Variants in BMPR1B observed in about 807,000 individuals in gnomAD.
The protein encoded by BMPR1B is bone morphogenetic protein receptor type-1B.
BMPR1B carries 12 observed loss-of-function variants against 59.1 expected under a neutral mutation model. The ratio of observed to expected loss-of-function variants is 0.20; its 90% CI spans 0.13 to 0.33. BMPR1B has a LOEUF of 0.33. Ranked by LOEUF, BMPR1B falls within the 10% of genes least tolerant of loss-of-function variation. The pLI is 1.00. For missense variants in BMPR1B, 550 were observed against 610.9 expected, an observed-to-expected ratio of 0.90 and a Z score of 1.05; for synonymous variants, 237 against 207.3, an observed-to-expected ratio of 1.14 and a Z score of -1.23.
At chr4:94,789,538 T>G (rs952684379) in intron 1 of BMPR1B, among the ~76,000 whole-genome samples, 9 of 103,364 alleles carry the variant, frequency 8.7e-5, no homozygotes, top group African/African-American at 2.9e-4. Flanking sequence ...CCATTTGAAC[T>G]TGAATAAAAA....
chr4:95,058,588 C>G (rs957207111), intron 3 of BMPR1B, among the ~76,000 whole-genome samples: 32 of 152,168 alleles, frequency 2.1e-4, no homozygotes, highest in African/African-American at 7.5e-4. Flanking sequence ...CTGGCCATCT[C>G]TGTCTACCTT....
chr4:95,016,348 A>G (rs1252854548), intron 3 of BMPR1B, among the ~76,000 whole-genome samples: 5 of 152,186 alleles, frequency 3.3e-5, no homozygotes, highest in Admixed American at 6.5e-5. Context: ...ATGATCAGTG[A>G]TCAACACATG....
At chr4:94,986,450 T>C (rs1390235501) in intron 2 of BMPR1B, among the ~76,000 whole-genome samples, 1 of 152,246 alleles carries the variant, frequency 6.6e-6, no homozygotes, top group African/African-American at 2.4e-5. Context: ...TCCATCCATC[T>C]TAAAGTCTAA....
intron 3 of BMPR1B, among the ~76,000 whole-genome samples, chr4:95,045,216 A>G (rs1184696269): frequency 1.3e-5 from 2 of 152,320 alleles, no homozygotes; most frequent in Non-Finnish European, 2.9e-5. Flanking sequence ...AGAATAACAA[A>G]TATATTATTA....
At chr4:94,998,010 A>C (rs184487872) in intron 3 of BMPR1B, among the ~76,000 whole-genome samples, 1 of 152,328 alleles carries the variant, frequency 6.6e-6, no homozygotes, top group Admixed American at 6.5e-5. Flanking sequence ...TACAATAAGA[A>C]GAAACTAAAG....
chr4:94,760,261 CCT>C (rs1414071835), intron 1 of BMPR1B, among the ~76,000 whole-genome samples: 2 of 152,116 alleles, frequency 1.3e-5, no homozygotes, highest in African/African-American at 2.4e-5. Flanking sequence ...TCTGAAATTC[CCT>C]GTTAGATTAT....
chr4:94,961,107 G>C (rs571946585), intron 2 of BMPR1B, among the ~76,000 whole-genome samples: 32 of 151,694 alleles, frequency 2.1e-4, no homozygotes, highest in Non-Finnish European at 3.7e-4. Flanking sequence ...CCAAACTTTT[G>C]TTTAGCACTG....
chr4:94,758,272 G>A lies in BMPR1B; in HGVS notation c.-183+204G>A, dbSNP rs546427396. Among the ~76,000 whole-genome samples the A allele has an allele frequency of 3.1e-3, 461 of 150,198 alleles. 2 individuals are homozygous for A. The highest frequency in any genetic ancestry group is 0.011 in the African/African-American group (435 of 41,128). On this transcript the variant is annotated intron_variant, in intron 1 of 12. Coordinates refer to ENST00000515059, the MANE Select transcript of BMPR1B (RefSeq NM_001203.3). ...GAGAGCGAGGGCGGGCTGCGCGGCC[G>A]TGGGGCGGTGGCGGCGGCGGGGAGG... is the stretch of plus-strand genomic sequence containing the variant.
chr4:95,051,122 A>T (rs979893905), intron 3 of BMPR1B, among the ~76,000 whole-genome samples: 9 of 152,146 alleles, frequency 5.9e-5, no homozygotes, highest in Admixed American at 1.3e-4. Flanking sequence ...ATTCAAGGGT[A>T]TTCACTTCAT....
At chr4:94,825,978 A>G (rs1429485255) in intron 1 of BMPR1B, among the ~76,000 whole-genome samples, 1 of 152,148 alleles carries the variant, frequency 6.6e-6, no homozygotes, top group Non-Finnish European at 1.5e-5. Context: ...CATTACAGAT[A>G]TTACTTTTTC....
intron 1 of BMPR1B, among the ~76,000 whole-genome samples, chr4:94,825,900 TTTTTTCTG>T (rs1724365237): frequency 6.6e-6 from 1 of 152,180 alleles, no homozygotes; most frequent in South Asian, 2.1e-4. Context: ...ACAAAGGATA[TTTTTTCTG>T]TTTTTCTAAA....
At chr4:94,849,665 G>A (rs10005252) in intron 1 of BMPR1B, among the ~76,000 whole-genome samples, 1 of 151,348 alleles carries the variant, frequency 6.6e-6, no homozygotes, top group African/African-American at 2.4e-5. Context: ...AACAGGGACA[G>A]GGGGATGGGC....
At chr4:94,823,562 A>G (rs529750443) in intron 1 of BMPR1B, among the ~76,000 whole-genome samples, 107 of 152,274 alleles carry the variant, frequency 7.0e-4, no homozygotes, top group African/African-American at 2.4e-3. Context: ...TTATGAAGAA[A>G]AAGAACCAGG....
chr4:94,854,825 T>C (rs4256228), intron 1 of BMPR1B, among the ~76,000 whole-genome samples: 92,512 of 152,096 alleles, frequency 0.61, 29,020 homozygotes, highest in African/African-American at 0.76. Flanking sequence ...CTACTCTTTA[T>C]GTGATCCCCT....
At chr4:94,832,476 T>C (rs1724637314) in intron 1 of BMPR1B, among the ~76,000 whole-genome samples, 2 of 152,118 alleles carry the variant, frequency 1.3e-5, no homozygotes, top group Admixed American at 6.6e-5. Flanking sequence ...ATCAGATTGG[T>C]CTCATGTAGA....
intron 6 of BMPR1B, among the ~76,000 whole-genome samples, chr4:95,122,056 G>T (rs1025120340): frequency 6.6e-6 from 1 of 152,092 alleles, no homozygotes; most frequent in East Asian, 1.9e-4. Context: ...TTAAAAGTCA[G>T]GTTGTAGCTG....
chr4:94,859,470 A>G (rs1725895216), intron 1 of BMPR1B, among the ~76,000 whole-genome samples: 1 of 152,184 alleles, frequency 6.6e-6, no homozygotes, highest in Admixed American at 6.5e-5. Context: ...TATAGTGTGT[A>G]TAAGGGGAAT....
chr4:95,008,807 T>C (rs1172818752), intron 3 of BMPR1B, among the ~76,000 whole-genome samples: 1 of 152,010 alleles, frequency 6.6e-6, no homozygotes, highest in African/African-American at 2.4e-5. Flanking sequence ...AATATAAAAA[T>C]AGGAATTTCA....
chr4:94,839,565 A>C (rs1415161226), intron 1 of BMPR1B, among the ~76,000 whole-genome samples: 1 of 149,432 alleles, frequency 6.7e-6, no homozygotes, highest in African/African-American at 2.5e-5. Context: ...CTGTTTTATC[A>C]GAGACTAGGA....
Sources: allele counts gnomAD v4.1 joint callset (sites outside exome capture counted in the v4.1 genomes callset), GRCh38; gene constraint gnomAD v4.1.1; transcripts MANE v1.5; gene names NCBI Gene and HGNC (gene_info 2026-07-23, HGNC 2026-07-21).